Variants in CERS6 observed in about 807,000 individuals in gnomAD.
The protein encoded by CERS6 is LAG1 homolog, ceramide synthase 6.
In CERS6, 26 loss-of-function variants were observed where a neutral mutation model predicts 56.8. That is an observed-to-expected ratio of 0.46 (90% confidence interval 0.34 to 0.63). CERS6 has a LOEUF of 0.63. CERS6 is among the 30% of genes least tolerant of loss of function. The pLI is 0.01. For missense variants in CERS6, 415 were observed against 467.5 expected (o/e 0.89, Z 1.04); for synonymous variants, 164 against 173.3 (o/e 0.95, Z 0.42).
chr2:168,729,892 G>C (rs1419564012), intron 8 of CERS6, among the ~76,000 whole-genome samples: 1 of 152,190 alleles, frequency 6.6e-6, no homozygotes, highest in Non-Finnish European at 1.5e-5. Flanking sequence ...ACACGTTACT[G>C]TGAGCCTGCT....
chr2:168,624,259 A>G (rs1684539485), intron 3 of CERS6, among the ~76,000 whole-genome samples: 1 of 152,200 alleles, frequency 6.6e-6, no homozygotes, highest in Admixed American at 6.5e-5. Flanking sequence ...ACCTTAGCAT[A>G]GAAAAGGAAC....
intron 1 of CERS6, among the ~76,000 whole-genome samples, chr2:168,509,496 T>G (rs1446609851): frequency 3.9e-5 from 6 of 152,172 alleles, no homozygotes; most frequent in African/African-American, 1.4e-4. Flanking sequence ...AGGATAGCGG[T>G]GGCCAGACCT....
intron 3 of CERS6, among the ~76,000 whole-genome samples, chr2:168,628,477 C>A (rs1307409436): frequency 6.6e-6 from 1 of 152,172 alleles, no homozygotes; most frequent in Non-Finnish European, 1.5e-5. Context: ...TGTCTAAGAA[C>A]GCCAACCTCC....
At chr2:168,691,141 A>G in intron 5 of CERS6, 57 bp downstream of exon 5, 3 of 1,530,866 alleles carry the variant, frequency 2.0e-6, no homozygotes, top group South Asian at 2.2e-5. Context: ...CCTTCGGTCA[A>G]TTTCATGGTC....
At chr2:168,515,784 C>T (rs376885137) in intron 1 of CERS6, among the ~76,000 whole-genome samples, 1 of 152,188 alleles carries the variant, frequency 6.6e-6, no homozygotes, top group East Asian at 1.9e-4. Context: ...AGAAGAGAAT[C>T]TGTAACGAGG....
intron 6 of CERS6, among the ~76,000 whole-genome samples, chr2:168,711,093 A>G (rs1687077241): frequency 6.6e-6 from 1 of 152,216 alleles, no homozygotes; most frequent in Admixed American, 6.5e-5. Flanking sequence ...GGAAACTAAT[A>G]TACTGTTTAT....
rs1036528411 is a variant in CERS6 at position 168,752,280 on chromosome 2, TG to T, written c.846-13311del. On this transcript the variant is annotated intron_variant, in intron 8 of 9. Transcript: ENST00000305747. The stretch of plus-strand genomic sequence containing the variant: ...AGACCCCATCTTTTAAAAAAATAAA[TG>T]TGTGTGTGTGTGTGTGTGTGTGTGT... Among the ~76,000 whole-genome samples, 103 of 12,336 alleles carry T rather than the reference TG, an allele frequency of 8.3e-3. 1 individual carries two copies. The East Asian group carries it at 0.11, about 13-fold the overall frequency. 8.1% of individuals were successfully genotyped at this position (12,336 alleles called of 152,430 possible). A position where few individuals can be genotyped will look rare whatever the true frequency, so the allele number is the denominator to read the frequency against.
intron 3 of CERS6, among the ~76,000 whole-genome samples, chr2:168,630,269 A>G (rs1684683741): frequency 6.6e-6 from 1 of 150,446 alleles, no homozygotes; most frequent in Admixed American, 6.7e-5. Context: ...TTGGGAATTT[A>G]GTACTAGAGT....
At chr2:168,521,760 G>A (rs1158537897) in intron 1 of CERS6, among the ~76,000 whole-genome samples, 1 of 152,184 alleles carries the variant, frequency 6.6e-6, no homozygotes, top group African/African-American at 2.4e-5. Context: ...AGATTTCCAA[G>A]GTCTGCGAGC....
chr2:168,692,284 A>C, intron 5 of CERS6, among the ~76,000 whole-genome samples: 1 of 152,158 alleles, frequency 6.6e-6, no homozygotes. Flanking sequence ...TTGTCACATA[A>C]GGCTCCTTGT....
At chr2:168,689,996 C>CG (rs1356584491) in intron 4 of CERS6, among the ~76,000 whole-genome samples, 1 of 152,026 alleles carries the variant, frequency 6.6e-6, no homozygotes, top group Non-Finnish European at 1.5e-5. Context: ...TTCACAGACT[C>CG]GGGGCCTCCA....
intron 3 of CERS6, among the ~76,000 whole-genome samples, chr2:168,577,730 CTT>C (rs1424562131): frequency 3.3e-5 from 5 of 152,120 alleles, no homozygotes; most frequent in Non-Finnish European, 7.4e-5. Context: ...TCAGGTAAGT[CTT>C]TCCTGGTTGT....
At chr2:168,644,765 A>G (rs184764168) in intron 4 of CERS6, among the ~76,000 whole-genome samples, 3 of 152,060 alleles carry the variant, frequency 2.0e-5, no homozygotes, top group South Asian at 4.1e-4. Flanking sequence ...TAAAAAGAGA[A>G]AGAAGAGATA....
intron 3 of CERS6, among the ~76,000 whole-genome samples, chr2:168,578,692 A>G (rs1683337123): frequency 6.6e-6 from 1 of 152,134 alleles, no homozygotes; most frequent in East Asian, 1.9e-4. Flanking sequence ...TACTTTGCAT[A>G]TTATATCCTC....
intron 3 of CERS6, among the ~76,000 whole-genome samples, chr2:168,576,544 A>T (rs1475710638): frequency 6.6e-6 from 1 of 152,136 alleles, no homozygotes; most frequent in Non-Finnish European, 1.5e-5. Context: ...TCCAATCAAG[A>T]TTTGTACATT....
At chr2:168,631,094 AT>A in intron 4 of CERS6, 52 bp downstream of exon 4, 1 of 749,528 alleles carries the variant, frequency 1.3e-6, no homozygotes, top group Non-Finnish European at 1.9e-6. Context: ...GTATGTCTAT[AT>A]CCTGGTTTTT....
intron 1 of CERS6, among the ~76,000 whole-genome samples, chr2:168,496,944 A>G (rs1262322026): frequency 6.6e-6 from 1 of 152,220 alleles, no homozygotes; most frequent in Admixed American, 6.5e-5. Flanking sequence ...TCTGTGTTAG[A>G]TAGTGAGGCT....
chr2:168,570,908 T>G (rs1695973646), intron 3 of CERS6, among the ~76,000 whole-genome samples: 1 of 152,166 alleles, frequency 6.6e-6, no homozygotes, highest in African/African-American at 2.4e-5. Context: ...CAAAGTTGAG[T>G]AAGCAACAAT....
chr2:168,762,798 C>G (rs1313149325), intron 8 of CERS6, among the ~76,000 whole-genome samples: 2 of 152,178 alleles, frequency 1.3e-5, no homozygotes, highest in African/African-American at 4.8e-5. Flanking sequence ...TAGTCTCATT[C>G]TAGTCTATAA....
Sources: gnomAD v4.1 joint callset for allele counts (sites outside exome capture counted in the v4.1 genomes callset) on GRCh38, gnomAD v4.1.1 for gene constraint, MANE v1.5 for transcripts, NCBI Gene and HGNC (gene_info 2026-07-23, HGNC 2026-07-21) for gene names.